The following CYSLTR1 variants were observed in gnomAD, a reference collection of about 807,000 sequenced individuals.
CYSLTR1 encodes the protein cysteinyl leukotriene receptor 1, also known as G-protein coupled receptor HG55.
In CYSLTR1, 1 loss-of-function variant was observed where a neutral mutation model predicts 2.1. The ratio of observed to expected loss-of-function variants is 0.48; its 90% confidence interval spans 0.17 to 2.28. CYSLTR1 has a LOEUF of 2.28. Ranked by LOEUF, CYSLTR1 falls within the 30% of genes most tolerant of loss-of-function variation. The pLI, the probability that CYSLTR1 is intolerant of heterozygous loss-of-function variation, is 0.26. For synonymous variants in CYSLTR1, 110 were observed against 89.6 expected, an observed-to-expected ratio of 1.23 and a Z score of -1.28; for missense variants, 299 against 250.1, an observed-to-expected ratio of 1.20 and a Z score of -1.32.
At chrX:78,312,388 A>C (rs1250436495) in intron 1 of CYSLTR1, among the ~76,000 whole-genome samples, 1 of 112,056 alleles carries the variant, frequency 8.9e-6, no homozygotes, top group Non-Finnish European at 1.9e-5. Context: ...AAAACCTAGG[A>C]AACACCCTTC....
intron 1 of CYSLTR1, among the ~76,000 whole-genome samples, chrX:78,305,130 A>T (rs1922979521): frequency 9.0e-6 from 1 of 111,661 alleles, no homozygotes; most frequent in Non-Finnish European, 1.9e-5. Flanking sequence ...ACAGGCTTTG[A>T]TTCCCAGGAA....
chrX:78,320,461 T>G (rs1464533318), intron 1 of CYSLTR1: 1 of 109,915 alleles, frequency 9.1e-6, no homozygotes, highest in African/African-American at 3.5e-5. Flanking sequence ...TTCTGTTCCA[T>G]TGGTCTATAT....
rs1282572013 is a variant in CYSLTR1, at chrX:78,273,654, A to T, written c.93T>A (p.Ser31=). The change falls in exon 3 of 3, where the codon TCT becomes TCA. Residue 31 remains serine (S), a synonymous_variant. Coordinates refer to ENST00000373304, the MANE Select transcript of CYSLTR1 (RefSeq NM_006639.4). Reference sequence around the variant, plus strand: ...CAAAGAAGCCTACAACAGAGATCATAGAGTACAAGGTGGAATACACTTGAT... The same window carrying T: ...CAAAGAAGCCTACAACAGAGATCATTGAGTACAAGGTGGAATACACTTGAT... ...FRNQVYSTLY[S]MISVVGFFGN... The T allele has an allele frequency of 2.5e-6, 3 of 1,210,208 alleles. No homozygotes were observed. In the African/African-American group the frequency reaches 5.2e-5, roughly 21 times the overall value.
intron 1 of CYSLTR1, among the ~76,000 whole-genome samples, chrX:78,289,743 T>C (rs1300424625): frequency 8.9e-6 from 1 of 112,699 alleles, no homozygotes; most frequent in Non-Finnish European, 1.9e-5. Flanking sequence ...ATGTGTCTGT[T>C]GGCTGCATAA....
At chrX:78,308,714 T>C (rs887051936) in intron 1 of CYSLTR1, among the ~76,000 whole-genome samples, 11 of 112,320 alleles carry the variant, frequency 9.8e-5, no homozygotes, top group Admixed American at 4.7e-4. Context: ...GCCTCTATTA[T>C]GTCCATTTAT....
chrX:78,302,351 C>T (rs1434216446), intron 1 of CYSLTR1, among the ~76,000 whole-genome samples: 2 of 111,644 alleles, frequency 1.8e-5, no homozygotes, highest in African/African-American at 6.5e-5. Context: ...AAATGCTATC[C>T]AAGAGCCAAG....
At chrX:78,281,391 C>T (rs1332602068) in intron 2 of CYSLTR1, among the ~76,000 whole-genome samples, 3 of 110,540 alleles carry the variant, frequency 2.7e-5, no homozygotes, top group Middle Eastern at 4.2e-3. Context: ...CTCAGCCTCC[C>T]GAGTAACGGA....
intron 1 of CYSLTR1, among the ~76,000 whole-genome samples, chrX:78,295,668 G>C (rs758102443): frequency 1.2e-4 from 13 of 111,384 alleles, no homozygotes; most frequent in African/African-American, 3.9e-4. Flanking sequence ...CTTTTCATAT[G>C]CCTATTTAAC....
intron 1 of CYSLTR1, among the ~76,000 whole-genome samples, chrX:78,314,794 G>C (rs984699393): frequency 1.4e-4 from 15 of 109,680 alleles, no homozygotes; most frequent in Non-Finnish European, 2.5e-4. Context: ...CTTGCCACCA[G>C]GGGTAAAGTG....
chrX:78,287,730 G>A (rs147445906), intron 1 of CYSLTR1, among the ~76,000 whole-genome samples: 160 of 111,571 alleles, frequency 1.4e-3, no homozygotes, highest in African/African-American at 4.9e-3. Context: ...AGTGCATAGT[G>A]ATGAAGAGCA....
At chrX:78,308,850 C>T in intron 1 of CYSLTR1, among the ~76,000 whole-genome samples, 1 of 111,205 alleles carries the variant, frequency 9.0e-6, no homozygotes, top group Non-Finnish European at 1.9e-5. Context: ...GGTGTTACTG[C>T]TTGGCATTGA....
At chrX:78,315,417 G>A (rs1484662299) in intron 1 of CYSLTR1, among the ~76,000 whole-genome samples, 1 of 111,470 alleles carries the variant, frequency 9.0e-6, no homozygotes, top group African/African-American at 3.3e-5. Context: ...TTATATGCCA[G>A]CTTGGCCACA....
chrX:78,312,262 T>C (rs920772370), intron 1 of CYSLTR1, among the ~76,000 whole-genome samples: 2 of 111,336 alleles, frequency 1.8e-5, no homozygotes, highest in Non-Finnish European at 3.8e-5. Flanking sequence ...GGTGCTGGGA[T>C]AACTGGCTAG....
chrX:78,275,147 C>T (rs1212884822), intron 2 of CYSLTR1, among the ~76,000 whole-genome samples: 1 of 112,081 alleles, frequency 8.9e-6, no homozygotes, highest in East Asian at 2.8e-4. Flanking sequence ...TAAACTAGTT[C>T]AACCATTGTG....
Position 78,272,780 on chromosome X carries a change from T to C in CYSLTR1, c.967A>G (p.Lys323Glu). 1 of 1,207,759 alleles carries C rather than the reference T, an allele frequency of 8.3e-7. No homozygotes were observed. The highest frequency in any genetic ancestry group is 1.1e-6 in the Non-Finnish European group (1 of 893,910). ...SLSSVTYVPR[K>E]KASLPEKGEE... ...CCTTTTTCTGGCAAAGAGGCCTTCT[T>C]TCTGGGTACATAAGTCACGCTGGAC... Residue 323 changes from lysine (K) to glutamate (E), a missense_variant, in exon 3 of 3, where the codon AAG (lysine) becomes GAG (glutamate). Physicochemically the swap from Lys to Glu is moderately conservative, Grantham distance 56. Coordinates refer to ENST00000373304, the MANE Select transcript of CYSLTR1 (RefSeq NM_006639.4).
chrX:78,293,056 C>A (rs1409069732), intron 1 of CYSLTR1, among the ~76,000 whole-genome samples: 1 of 111,452 alleles, frequency 9.0e-6, no homozygotes, highest in Non-Finnish European at 1.9e-5. Flanking sequence ...TTACTTGATG[C>A]AGTTTCTTTA....
chrX:78,313,203 A>G (rs753622427), intron 1 of CYSLTR1, among the ~76,000 whole-genome samples: 1 of 112,215 alleles, frequency 8.9e-6, no homozygotes, highest in South Asian at 3.7e-4. Context: ...AAGCAAATTA[A>G]CATAGGAACA....
intron 1 of CYSLTR1, among the ~76,000 whole-genome samples, chrX:78,295,473 T>C (rs1162108004): frequency 9.1e-6 from 1 of 109,927 alleles, no homozygotes; most frequent in Non-Finnish European, 1.9e-5. Flanking sequence ...CTCCAAACTG[T>C]TCTCCATAGT....
At chrX:78,290,630 A>C (rs145533945) in intron 1 of CYSLTR1, among the ~76,000 whole-genome samples, 1,602 of 111,385 alleles carry the variant, frequency 0.014, 15 homozygotes, top group Non-Finnish European at 0.022. Flanking sequence ...CTTTTATTTC[A>C]TTGAGCAGTG....
Sources: gnomAD v4.1 joint callset for allele counts (sites outside exome capture counted in the v4.1 genomes callset) on GRCh38, gnomAD v4.1.1 for gene constraint, MANE v1.5 for transcripts, NCBI Gene and HGNC (gene_info 2026-07-23, HGNC 2026-07-21) for gene names.